The following TNNI3K variants were observed in gnomAD, a reference collection of about 807,000 sequenced individuals.
TNNI3K encodes the protein TNNI3 interacting kinase.
TNNI3K carries 140 observed loss-of-function variants against 114.5 expected under a neutral mutation model. The observed-to-expected ratio is 1.22, with a 90% CI of 1.07 to 1.41. TNNI3K has a LOEUF of 1.41. Ranked by LOEUF, TNNI3K falls within the 40% of genes most tolerant of loss-of-function variation. The pLI, the probability that TNNI3K is intolerant of heterozygous loss-of-function variation, is 0.00. For synonymous variants in TNNI3K, 347 were observed against 347.5 expected (o/e 1.00, Z 0.02); for missense variants, 1,125 against 1,007.6 (o/e 1.12, Z -1.58).
chr1:74,334,788 A>G (rs988196887), intron 6 of TNNI3K, among the ~76,000 whole-genome samples: 1 of 152,142 alleles, frequency 6.6e-6, no homozygotes, highest in Non-Finnish European at 1.5e-5. Context: ...GAAAATCAAG[A>G]ATCAAGTCAA....
At chr1:74,242,435 A>C (rs2100832081) in intron 2 of TNNI3K, among the ~76,000 whole-genome samples, 1 of 152,272 alleles carries the variant, frequency 6.6e-6, no homozygotes, top group East Asian at 1.9e-4. Flanking sequence ...CCTTAAAACA[A>C]AATATCTTCT....
chr1:74,442,116 T>C (rs1666400122), intron 20 of TNNI3K, among the ~76,000 whole-genome samples: 1 of 152,054 alleles, frequency 6.6e-6, no homozygotes, highest in Admixed American at 6.6e-5. Flanking sequence ...TTTGAGTTCT[T>C]ATTTTTTTAA....
intron 17 of TNNI3K, chr1:74,418,058 C>T (rs1481723932): frequency 1.4e-5 from 5 of 356,630 alleles, no homozygotes; most frequent in Non-Finnish European, 2.2e-5. Context: ...ATTAAAACAT[C>T]ATCTGACTCT....
chr1:74,412,905 T>C (rs1664953818), intron 17 of TNNI3K, among the ~76,000 whole-genome samples: 1 of 152,210 alleles, frequency 6.6e-6, no homozygotes, highest in African/African-American at 2.4e-5. Flanking sequence ...TGAGCCACCA[T>C]GCCCAGCCCA....
Position 74,271,595 on chromosome 1 carries a change from C to A in TNNI3K, c.334-3C>A. On this transcript the variant is annotated splice_region_variant and splice_polypyrimidine_tract_variant and intron_variant, in intron 4 of 24. Coordinates refer to ENST00000326637, the MANE Select transcript of TNNI3K (RefSeq NM_015978.3). ...GTAACACTAAAGATATGTTTCCTTA[C>A]AGGATAATGCAGAATTGATCACTTC... The A allele has an allele frequency of 6.3e-7, 1 of 1,590,730 alleles. No homozygotes were observed. Among genetic ancestry groups the A allele is most frequent in the Non-Finnish European group, 8.6e-7 (1 of 1,167,542 alleles).
In TNNI3K at chr1:74,540,997, G is replaced by C. The variant is rs953433452; in HGVS notation, c.2431+684G>C. Reference sequence around the variant, plus strand: ...CTGCGATATCAATGTGTTAGGGCTGGGATGTCCTTTTACCAACCTTTAAGC... The same window carrying C: ...CTGCGATATCAATGTGTTAGGGCTGCGATGTCCTTTTACCAACCTTTAAGC... On this transcript the variant is annotated intron_variant, in intron 24 of 24. Coordinates refer to ENST00000326637, the MANE Select transcript of TNNI3K (RefSeq NM_015978.3). 2.0e-5 allele frequency among the ~76,000 whole-genome samples: 3 copies of C among 152,134 alleles called. No individual in the cohort carries two copies. In the East Asian group the frequency reaches 5.8e-4, roughly 29 times the overall value.
intron 20 of TNNI3K, among the ~76,000 whole-genome samples, chr1:74,445,199 A>G (rs997907562): frequency 1.4e-5 from 2 of 139,572 alleles, no homozygotes; most frequent in Non-Finnish European, 3.1e-5. Flanking sequence ...TAAACTAAAG[A>G]ACTTCTTTTT....
At chr1:74,249,233 A>G (rs370903174) in intron 2 of TNNI3K, among the ~76,000 whole-genome samples, 1 of 151,890 alleles carries the variant, frequency 6.6e-6, no homozygotes, top group Non-Finnish European at 1.5e-5. Flanking sequence ...TATTGGAATC[A>G]TAGTGTTATT....
chr1:74,248,369 A>C (rs372587824), intron 2 of TNNI3K, among the ~76,000 whole-genome samples: 10 of 152,130 alleles, frequency 6.6e-5, no homozygotes, highest in African/African-American at 2.4e-4. Flanking sequence ...GTGCAGTGTC[A>C]GGCTGAAGGG....
chr1:74,543,595 G>T lies in TNNI3K; in HGVS notation c.2432-311G>T, dbSNP rs45620838. 5.7e-3 allele frequency among the ~76,000 whole-genome samples: 863 copies of T among 152,302 alleles called. 8 individuals are homozygous for T. Among genetic ancestry groups the T allele is most frequent in the African/African-American group, 0.02 (814 of 41,580 alleles). ...GTGCTTAAACCCAGATTTGCCTGAC[G>T]TGAAAGCCTGTGCTTTTAGCCACCC... On this transcript the variant is annotated intron_variant, in intron 24 of 24. Coordinates refer to ENST00000326637, the MANE Select transcript of TNNI3K (RefSeq NM_015978.3).
At chr1:74,302,911 A>C (rs1304128984) in intron 5 of TNNI3K, among the ~76,000 whole-genome samples, 2 of 152,222 alleles carry the variant, frequency 1.3e-5, no homozygotes. Flanking sequence ...TTTTTAATGT[A>C]GATGAAACAG....
intron 7 of TNNI3K, among the ~76,000 whole-genome samples, chr1:74,337,851 A>G (rs1210294373): frequency 2.0e-5 from 3 of 152,188 alleles, no homozygotes; most frequent in East Asian, 3.9e-4. Flanking sequence ...GATGATTTGG[A>G]CATATATCCA....
At chr1:74,355,374 G>C (rs187942303) in intron 11 of TNNI3K, among the ~76,000 whole-genome samples, 2 of 152,256 alleles carry the variant, frequency 1.3e-5, no homozygotes, top group Admixed American at 6.5e-5. Flanking sequence ...GGGAGGCCAT[G>C]GTGGGCAGAT....
rs142645562 is a variant in TNNI3K at position 74,396,123 on chromosome 1, C to T, written c.1772+25731C>T. ...CTCTCAATGAAAAGCTCTGGGATCC[C>T]CTAACATGCTTGCCCCATCTCAAAC... On this transcript the variant is annotated intron_variant, in intron 17 of 24. Coordinates refer to ENST00000326637, the MANE Select transcript of TNNI3K (RefSeq NM_015978.3). Among the ~76,000 whole-genome samples the T allele has an allele frequency of 3.3e-3, 499 of 152,240 alleles. 2 individuals are homozygous for T. The highest frequency in any genetic ancestry group is 0.011 in the African/African-American group (469 of 41,546).
At chr1:74,337,002 C>T (rs1557504975) in intron 7 of TNNI3K, among the ~76,000 whole-genome samples, 1 of 151,216 alleles carries the variant, frequency 6.6e-6, no homozygotes, top group Non-Finnish European at 1.5e-5. Flanking sequence ...CACATCCTCT[C>T]CAGCACCTGT....
chr1:74,351,417 A>G (rs953077941), intron 9 of TNNI3K, among the ~76,000 whole-genome samples: 7 of 148,358 alleles, frequency 4.7e-5, no homozygotes, highest in African/African-American at 1.7e-4. Context: ...CTTTATTTCA[A>G]CTTTGGTGAA....
At chr1:74,521,751 G>T (rs1222709739) in intron 23 of TNNI3K, among the ~76,000 whole-genome samples, 2 of 152,108 alleles carry the variant, frequency 1.3e-5, no homozygotes, top group African/African-American at 4.8e-5. Flanking sequence ...AGGGCACAGG[G>T]TCTCATAAAT....
At chr1:74,516,187 T>A (rs1036135404) in intron 23 of TNNI3K, among the ~76,000 whole-genome samples, 1 of 152,184 alleles carries the variant, frequency 6.6e-6, no homozygotes, top group Non-Finnish European at 1.5e-5. Context: ...GTCATTTATT[T>A]CTGTTCTGAA....
chr1:74,361,474 C>G (rs1661963069), intron 11 of TNNI3K, among the ~76,000 whole-genome samples: 1 of 151,842 alleles, frequency 6.6e-6, no homozygotes, highest in Non-Finnish European at 1.5e-5. Context: ...CTTTTTCAAC[C>G]CTCTCACTCA....
Sources: allele counts gnomAD v4.1 joint callset (sites outside exome capture counted in the v4.1 genomes callset), GRCh38; gene constraint gnomAD v4.1.1; transcripts MANE v1.5; gene names NCBI Gene and HGNC (gene_info 2026-07-23, HGNC 2026-07-21).